DYNC1I2: variants seen among roughly 807,000 people sequenced by gnomAD.
The protein encoded by DYNC1I2 is dynein cytoplasmic 1 intermediate chain 2.
A neutral mutation model predicts 88.6 loss-of-function variants in DYNC1I2; 53 were observed. That is an observed-to-expected ratio of 0.60 (90% CI 0.48 to 0.75). DYNC1I2 has a LOEUF of 0.75. Ranked by LOEUF, DYNC1I2 falls within the 30% of genes least tolerant of loss-of-function variation. DYNC1I2 has a pLI of 0.00. For synonymous variants in DYNC1I2, 198 were observed against 254.6 expected, an observed-to-expected ratio of 0.78 and a Z score of 2.12; for missense variants, 458 against 766.6, an observed-to-expected ratio of 0.60 and a Z score of 4.75.
intron 15 of DYNC1I2, among the ~76,000 whole-genome samples, chr2:171,742,174 T>A (rs902504318): frequency 1.3e-5 from 2 of 151,804 alleles, no homozygotes; most frequent in Non-Finnish European, 2.9e-5. Context: ...TTATTTTTTT[T>A]ATTTTTTTAT....
chr2:171,727,248 T>G (rs916899733), intron 11 of DYNC1I2, among the ~76,000 whole-genome samples: 1 of 152,142 alleles, frequency 6.6e-6, no homozygotes, highest in Non-Finnish European at 1.5e-5. Flanking sequence ...GGAACTTATT[T>G]GTGAATATAC....
At chr2:171,713,450 T>C (rs79659929) in intron 6 of DYNC1I2, among the ~76,000 whole-genome samples, 1 of 151,624 alleles carries the variant, frequency 6.6e-6, no homozygotes, top group African/African-American at 2.4e-5. Context: ...CTTTTTTTTT[T>C]GGCATATTTT....
intron 3 of DYNC1I2, among the ~76,000 whole-genome samples, chr2:171,701,437 T>C (rs1032684230): frequency 1.3e-5 from 2 of 152,216 alleles, no homozygotes; most frequent in African/African-American, 2.4e-5. Context: ...CCCAAAGTGC[T>C]GGGATTATAG....
intron 15 of DYNC1I2, among the ~76,000 whole-genome samples, chr2:171,739,202 C>T (rs1213252966): frequency 2.0e-5 from 3 of 151,564 alleles, no homozygotes; most frequent in Admixed American, 2.0e-4. Context: ...AAGAAAAAGG[C>T]TTTTAATTTT....
chr2:171,723,182 T>C (rs779590929), intron 7 of DYNC1I2, among the ~76,000 whole-genome samples: 14 of 152,158 alleles, frequency 9.2e-5, no homozygotes, highest in Non-Finnish European at 2.1e-4. Context: ...ACACCTGTCA[T>C]TGGAAATGGT....
chr2:171,689,157 C>T (rs2105440407), intron 1 of DYNC1I2, among the ~76,000 whole-genome samples: 1 of 152,242 alleles, frequency 6.6e-6, no homozygotes, highest in Non-Finnish European at 1.5e-5. Flanking sequence ...GGTCATTCTG[C>T]TGGATGTTGT....
At chr2:171,743,624 T>C (rs1253995593) in intron 15 of DYNC1I2, among the ~76,000 whole-genome samples, 1 of 152,210 alleles carries the variant, frequency 6.6e-6, no homozygotes, top group East Asian at 1.9e-4. Flanking sequence ...CTGATTTTAT[T>C]TGGAAGTTTG....
intron 4 of DYNC1I2, among the ~76,000 whole-genome samples, 170 bp downstream of exon 4, chr2:171,706,734 C>T (rs1047690067): frequency 2.0e-5 from 3 of 152,046 alleles, no homozygotes; most frequent in Non-Finnish European, 4.4e-5. Context: ...AGTCATTTCT[C>T]TAAATTGATA....
In DYNC1I2 at chr2:171,729,733, T is replaced by C; in HGVS notation, c.1416T>C (p.Phe472=). Residue 472 remains phenylalanine, a synonymous_variant, in exon 15 of 18, where the codon TTT becomes TTC. Transcript: ENST00000397119. The stretch of plus-strand genomic sequence containing the variant: ...GCAAAGCTGGAATCAGTGAGATGTT[T>C]GAGGGGCATCAAGGACCAATCACTG... ...HGSKAGISEM[F]EGHQGPITGI... The C allele has an allele frequency of 6.2e-7, 1 of 1,612,754 alleles. No individual in the cohort carries two copies. The highest frequency in any genetic ancestry group is 8.5e-7 in the Non-Finnish European group (1 of 1,179,726).
chr2:171,742,754 T>C (rs1388639327), intron 15 of DYNC1I2, among the ~76,000 whole-genome samples: 4 of 152,218 alleles, frequency 2.6e-5, no homozygotes, highest in African/African-American at 2.4e-5. Context: ...TTCTGAGATG[T>C]GCCTTTTCTG....
chr2:171,698,331 A>T (rs1685939670), intron 3 of DYNC1I2, among the ~76,000 whole-genome samples: 1 of 152,134 alleles, frequency 6.6e-6, no homozygotes, highest in Non-Finnish European at 1.5e-5. Context: ...TTTTTGCTTT[A>T]ATTACTCATA....
intron 5 of DYNC1I2, among the ~76,000 whole-genome samples, chr2:171,710,122 T>TACACACACACACAC (rs55862813): frequency 1.4e-5 from 2 of 144,338 alleles, no homozygotes; most frequent in Non-Finnish European, 3.0e-5. Context: ...TATGTATATA[T>TACACACACACACAC]ACACACACAC....
chr2:171,725,594 G>GTTTTTTT, intron 7 of DYNC1I2, 24 bp from the exon 8 acceptor site: 5 of 1,175,300 alleles, frequency 4.3e-6, no homozygotes, highest in South Asian at 1.7e-5. Context: ...TTGTTTTTTT[G>GTTTTTTT]TTTGTTTTTT....
intron 5 of DYNC1I2, among the ~76,000 whole-genome samples, chr2:171,711,767 G>A (rs1411465460): frequency 6.6e-6 from 1 of 152,060 alleles, no homozygotes; most frequent in Non-Finnish European, 1.5e-5. Flanking sequence ...GAAACCATTT[G>A]TTGTATTAAA....
intron 6 of DYNC1I2, among the ~76,000 whole-genome samples, chr2:171,713,872 C>T (rs1687299960): frequency 6.6e-6 from 1 of 152,136 alleles, no homozygotes; most frequent in African/African-American, 2.4e-5. Flanking sequence ...CCTCCCATTG[C>T]TTCCTTATTT....
At chr2:171,724,819 G>T (rs192444071) in intron 7 of DYNC1I2, among the ~76,000 whole-genome samples, 17 of 152,206 alleles carry the variant, frequency 1.1e-4, no homozygotes, top group African/African-American at 4.1e-4. Flanking sequence ...GGTGGGCAGG[G>T]TTATGTGTTC....
intron 7 of DYNC1I2, among the ~76,000 whole-genome samples, chr2:171,718,990 G>GT (rs1687723158): frequency 6.6e-6 from 1 of 152,206 alleles, no homozygotes; most frequent in Admixed American, 6.5e-5. Context: ...TGCCACTGAA[G>GT]TAGCAACTCA....
intron 7 of DYNC1I2, among the ~76,000 whole-genome samples, chr2:171,716,001 T>C (rs1687464014): frequency 6.6e-6 from 1 of 152,140 alleles, no homozygotes; most frequent in Admixed American, 6.5e-5. Flanking sequence ...ACCTATTGAA[T>C]GTGGAGACCC....
At chr2:171,690,709 A>G (rs1685340160) in intron 2 of DYNC1I2, among the ~76,000 whole-genome samples, 1 of 143,086 alleles carries the variant, frequency 7.0e-6, no homozygotes, top group Non-Finnish European at 1.5e-5. Context: ...ACTGGAGTGC[A>G]GTGGTTTGAG....
Sources: allele counts gnomAD v4.1 joint callset (sites outside exome capture counted in the v4.1 genomes callset), GRCh38; gene constraint gnomAD v4.1.1; transcripts MANE v1.5; gene names NCBI Gene and HGNC (gene_info 2026-07-23, HGNC 2026-07-21).